MTUS1: variants seen among roughly 807,000 people sequenced by gnomAD.
MTUS1 encodes the protein microtubule associated scaffold protein 1.
MTUS1 carries 109 observed loss-of-function variants against 120.8 expected under a neutral mutation model. That is an observed-to-expected ratio of 0.90 (90% confidence interval 0.77 to 1.06). The LOEUF (loss-of-function observed/expected upper bound fraction) is 1.06. Among genes scored for constraint, MTUS1 ranks in the 50% least tolerant of loss-of-function variants. The pLI, the probability that MTUS1 is intolerant of heterozygous loss-of-function variation, is 0.00. For synonymous variants in MTUS1, 737 were observed against 550.5 expected (o/e 1.34, Z -4.74); for missense variants, 2,210 against 1,486.3 (o/e 1.49, Z -8.01).
intron 1 of MTUS1, among the ~76,000 whole-genome samples, chr8:17,799,350 G>C (rs768456835): frequency 6.6e-6 from 1 of 152,014 alleles, no homozygotes; most frequent in Admixed American, 6.6e-5. Flanking sequence ...AATTTTTCAT[G>C]ATACATTAAT....
chr8:17,768,889 G>T (rs1004361424), intron 1 of MTUS1, among the ~76,000 whole-genome samples: 1 of 151,884 alleles, frequency 6.6e-6, no homozygotes, highest in Non-Finnish European at 1.5e-5. Flanking sequence ...AACAATTAAT[G>T]GTATTTTGTT....
rs901820549 is a variant in MTUS1 at position 17,653,266 on chromosome 8, G to T, written c.3304C>A (p.Leu1102Met). The T allele has an allele frequency of 2.6e-6, 4 of 1,555,420 alleles. No individual in the cohort carries two copies. Among genetic ancestry groups the T allele is most frequent in the African/African-American group, 2.8e-5 (2 of 72,132 alleles). Residue 1102 changes from leucine (L) to methionine (M), a missense_variant, in exon 12 of 15, where the codon CTG (leucine) becomes ATG (methionine). Coordinates refer to ENST00000693296, the MANE Select transcript of MTUS1 (RefSeq NM_001363059.2). ...TTTAAAGCATCATTTTCACTCTTCA[G>T]ATCATTGATTTGCTTCTAAAACACA... ...QESLEKQIND[L>M]KSENDALNEK...
intron 3 of MTUS1, among the ~76,000 whole-genome samples, chr8:17,727,253 A>G (rs2046285567): frequency 1.3e-5 from 2 of 152,344 alleles, no homozygotes; most frequent in South Asian, 4.1e-4. Flanking sequence ...TGTGACTATT[A>G]CTATCCCAGT....
intron 6 of MTUS1, among the ~76,000 whole-genome samples, chr8:17,707,705 A>G (rs940749690): frequency 1.3e-5 from 2 of 152,242 alleles, no homozygotes; most frequent in African/African-American, 4.8e-5. Context: ...TTGAAAAAGA[A>G]AGACGTTGAA....
intron 1 of MTUS1, among the ~76,000 whole-genome samples, chr8:17,794,328 C>CA (rs113495563): frequency 0.011 from 1,604 of 147,724 alleles, 8 homozygotes; most frequent in Middle Eastern, 0.049. Flanking sequence ...AACTCTGTCT[C>CA]AAAAAAAAAG....
intron 6 of MTUS1, chr8:17,697,693 GT>G: frequency 9.8e-7 from 1 of 1,018,122 alleles, no homozygotes; most frequent in Non-Finnish European, 1.2e-6. Context: ...AGTTGTTATG[GT>G]TTTCATCCGA....
chr8:17,657,773 T>C lies in MTUS1; in HGVS notation c.2906-1708A>G, dbSNP rs1285655287. On this transcript the variant is annotated intron_variant, in intron 8 of 14. Transcript: ENST00000693296. ...GCTCAGGAGATTGAGGCTGCAACTG[T>C]TGGGCAACAGAGCAAGACCCTATCT... is the stretch of plus-strand genomic sequence containing the variant. Among the ~76,000 whole-genome samples the C allele has an allele frequency of 2.9e-5, 4 of 140,208 alleles. 1 individual carries two copies. Among genetic ancestry groups the C allele is most frequent in the East Asian group, 2.1e-4 (1 of 4,796 alleles). The allele number at this position is 140,208 out of a possible 152,430, so 92.0% of individuals were successfully genotyped here. A position where few individuals can be genotyped will look rare whatever the true frequency, so the allele number is the denominator to read the frequency against.
chr8:17,727,689 C>T (rs781306159), intron 3 of MTUS1, among the ~76,000 whole-genome samples: 17 of 152,158 alleles, frequency 1.1e-4, no homozygotes, highest in Non-Finnish European at 1.3e-4. Flanking sequence ...GTGACATTTA[C>T]CAGGTCATAT....
chr8:17,788,767 T>G (rs1178357755), intron 1 of MTUS1, among the ~76,000 whole-genome samples: 1 of 152,222 alleles, frequency 6.6e-6, no homozygotes, highest in Non-Finnish European at 1.5e-5. Flanking sequence ...CTCTCTTAGA[T>G]ATCACATCAT....
At chr8:17,713,069 C>T (rs149902127) in intron 6 of MTUS1, 145 bp downstream of exon 6, 34 of 690,684 alleles carry the variant, frequency 4.9e-5, no homozygotes, top group Non-Finnish European at 7.0e-5. Context: ...TAATGCTATG[C>T]GACCCGTCAT....
At chr8:17,772,195 G>A (rs2050072316) in intron 1 of MTUS1, among the ~76,000 whole-genome samples, 1 of 152,174 alleles carries the variant, frequency 6.6e-6, no homozygotes, top group Non-Finnish European at 1.5e-5. Context: ...GAATACTGCA[G>A]ACTAATCCTA....
chr8:17,683,271 C>CA (rs200579222), intron 7 of MTUS1, among the ~76,000 whole-genome samples: 112 of 149,798 alleles, frequency 7.5e-4, no homozygotes, highest in African/African-American at 1.8e-3. Flanking sequence ...GAGTCTGTCT[C>CA]AAAAAAAAAG....
intron 8 of MTUS1, among the ~76,000 whole-genome samples, chr8:17,669,932 C>T (rs535756297): frequency 1.3e-5 from 2 of 152,290 alleles, no homozygotes; most frequent in Non-Finnish European, 2.9e-5. Flanking sequence ...GAGTTGGGGG[C>T]GCAGGCCTGG....
intron 4 of MTUS1, chr8:17,723,458 C>G (rs572818474): frequency 1.6e-6 from 1 of 609,028 alleles, no homozygotes; most frequent in South Asian, 1.9e-5. Flanking sequence ...CTTTCGAATC[C>G]TTCATGCAAA....
At chr8:17,655,770 TA>T in intron 9 of MTUS1, 92 bp downstream of exon 9, 1 of 1,100,046 alleles carries the variant, frequency 9.1e-7, no homozygotes, top group Non-Finnish European at 1.4e-6. Context: ...CCTATTAGAC[TA>T]AAAAAGAGAA....
chr8:17,708,603 A>G (rs1012577974), intron 6 of MTUS1, among the ~76,000 whole-genome samples: 20 of 152,206 alleles, frequency 1.3e-4, no homozygotes, highest in African/African-American at 4.1e-4. Context: ...ATGGTTAACT[A>G]ATTTTTAAAC....
intron 6 of MTUS1, among the ~76,000 whole-genome samples, chr8:17,686,456 T>G (rs554540752): frequency 6.6e-6 from 1 of 152,250 alleles, no homozygotes; most frequent in Admixed American, 6.5e-5. Context: ...TCTTTCACTA[T>G]CTAGAATTTA....
At chr8:17,727,917 T>C (rs1431485689) in intron 3 of MTUS1, among the ~76,000 whole-genome samples, 1 of 152,308 alleles carries the variant, frequency 6.6e-6, no homozygotes, top group East Asian at 1.9e-4. Context: ...TAACACAGTC[T>C]ATTGGATTTG....
intron 1 of MTUS1, among the ~76,000 whole-genome samples, chr8:17,799,060 G>A (rs926583165): frequency 2.6e-5 from 4 of 151,144 alleles, no homozygotes; most frequent in Non-Finnish European, 2.9e-5. Flanking sequence ...ATGTTGACAA[G>A]AATACGGTAA....
Sources: allele counts gnomAD v4.1 joint callset (sites outside exome capture counted in the v4.1 genomes callset), GRCh38; gene constraint gnomAD v4.1.1; transcripts MANE v1.5; gene names NCBI Gene and HGNC (gene_info 2026-07-23, HGNC 2026-07-21).